Variants in MTA3 observed in about 807,000 individuals in gnomAD.
MTA3 encodes the protein metastasis associated 1 family member 3, also known as metastasis-associated protein MTA3.
In MTA3, 34 loss-of-function variants were observed where a neutral mutation model predicts 83.5. That is an observed-to-expected ratio of 0.41 (90% confidence interval 0.31 to 0.54). The LOEUF is 0.54. Ranked by LOEUF, MTA3 falls within the 20% of genes least tolerant of loss-of-function variation. The pLI is 0.33. For synonymous variants in MTA3, 303 were observed against 252.7 expected, an observed-to-expected ratio of 1.20 and a Z score of -1.89; for missense variants, 761 against 726.4, an observed-to-expected ratio of 1.05 and a Z score of -0.55.
intron 8 of MTA3, among the ~76,000 whole-genome samples, chr2:42,677,906 A>G (rs1017104189): frequency 6.6e-6 from 1 of 152,182 alleles, no homozygotes; most frequent in Admixed American, 6.5e-5. Flanking sequence ...TTACTGTACT[A>G]TATTCATCTA....
intron 2 of MTA3, among the ~76,000 whole-genome samples, chr2:42,520,139 A>G (rs1262963902): frequency 1.3e-5 from 2 of 152,170 alleles, no homozygotes; most frequent in African/African-American, 2.4e-5. Flanking sequence ...AATGTCCTAG[A>G]GCCATTTTCA....
chr2:42,691,950 A>G (rs1190342545), intron 9 of MTA3, among the ~76,000 whole-genome samples: 2 of 152,040 alleles, frequency 1.3e-5, no homozygotes, highest in Non-Finnish European at 2.9e-5. Flanking sequence ...TTCTTTCTTT[A>G]TCTTTGACCT....
chr2:42,694,404 T>C (rs1573648769), intron 9 of MTA3, among the ~76,000 whole-genome samples: 1 of 152,282 alleles, frequency 6.6e-6, no homozygotes, highest in East Asian at 1.9e-4. Flanking sequence ...CAGCCCATGG[T>C]CATGAGGCTT....
chr2:42,587,313 C>T (rs900959315), intron 3 of MTA3, among the ~76,000 whole-genome samples: 1 of 152,054 alleles, frequency 6.6e-6, no homozygotes, highest in Non-Finnish European at 1.5e-5. Context: ...CCCTGCCTCC[C>T]AAAATATAAG....
At chr2:42,516,946 G>A (rs141808638) in intron 2 of MTA3, among the ~76,000 whole-genome samples, 3,246 of 152,146 alleles carry the variant, frequency 0.021, 116 homozygotes, top group African/African-American at 0.074. Flanking sequence ...GCAACATAGC[G>A]AGACCCTGTC....
chr2:42,644,102 C>G (rs1263665940), intron 5 of MTA3, 25 bp from the exon 6 acceptor site: 7 of 1,368,212 alleles, frequency 5.1e-6, no homozygotes, highest in Non-Finnish European at 7.2e-6. Context: ...TTAAGTATAC[C>G]TATGTATTTT....
chr2:42,553,268 C>G (rs931080400), intron 2 of MTA3, among the ~76,000 whole-genome samples: 2 of 151,076 alleles, frequency 1.3e-5, no homozygotes, highest in Admixed American at 1.3e-4. Flanking sequence ...ACTAAAAATA[C>G]AAAAAATTCG....
rs763894802 is a variant in MTA3 at position 42,711,783 on chromosome 2, A to AGTGTGTGTGTGT, written c.1525+2708_1525+2719dup. Among the ~76,000 whole-genome samples, 120 of 147,744 alleles carry AGTGTGTGTGTGT rather than the reference A, an allele frequency of 8.1e-4. 2 individuals are homozygous for AGTGTGTGTGTGT. Among genetic ancestry groups the AGTGTGTGTGTGT allele is most frequent in the African/African-American group, 2.8e-3 (110 of 39,486 alleles). ...CTGGGAGTGTATAGGAGAGAGAGAG[A>AGTGTGTGTGTGT]GTGTGTGTGTGTGTGTGTGTGTGTG... On this transcript the variant is annotated intron_variant, in intron 14 of 16. Transcript: ENST00000405094.
intron 9 of MTA3, among the ~76,000 whole-genome samples, chr2:42,692,891 T>G (rs1462205148): frequency 3.3e-5 from 5 of 152,240 alleles, no homozygotes; most frequent in Non-Finnish European, 5.9e-5. Flanking sequence ...TACTGTAGTC[T>G]TCACAGTCTG....
intron 2 of MTA3, among the ~76,000 whole-genome samples, chr2:42,531,491 C>T (rs528147847): frequency 4.3e-4 from 50 of 115,392 alleles, no homozygotes; most frequent in African/African-American, 1.5e-3. Flanking sequence ...CTTGCTCTAT[C>T]GCCCAGGCTA....
chr2:42,524,470 G>A (rs1438838821), intron 2 of MTA3, among the ~76,000 whole-genome samples: 1 of 96,000 alleles, frequency 1.0e-5, no homozygotes, highest in East Asian at 2.9e-4. Context: ...CTGGCTAGTT[G>A]TGTTTTTTTT....
intron 8 of MTA3, among the ~76,000 whole-genome samples, chr2:42,665,787 A>G (rs1690180476): frequency 6.6e-6 from 1 of 152,208 alleles, no homozygotes; most frequent in African/African-American, 2.4e-5. Flanking sequence ...AGACTGTTTT[A>G]CAGGTGATGA....
chr2:42,546,936 T>C (rs903696226), intron 2 of MTA3, among the ~76,000 whole-genome samples: 1 of 152,160 alleles, frequency 6.6e-6, no homozygotes, highest in Non-Finnish European at 1.5e-5. Flanking sequence ...AGGGATCTTA[T>C]TGCTAGAGCT....
intron 3 of MTA3, among the ~76,000 whole-genome samples, chr2:42,587,166 C>G (rs573687299): frequency 1.3e-5 from 2 of 152,090 alleles, no homozygotes; most frequent in South Asian, 2.1e-4. Context: ...GCACTCCAGC[C>G]TGGGTGACAC....
Position 42,755,938 on chromosome 2 carries a change from T to A in MTA3, c.*2539T>A, listed in dbSNP as rs985540538. The A allele has an allele frequency of 2.0e-6, 2 of 985,436 alleles. No individual in the cohort carries two copies. The highest frequency in any genetic ancestry group is 1.7e-5 in the African/African-American group (1 of 57,252). 61.0% of individuals were successfully genotyped at this position (985,436 alleles called of 1,614,324 possible). A position where few individuals can be genotyped will look rare whatever the true frequency, so the allele number is the denominator to read the frequency against. On this transcript the variant is annotated 3_prime_UTR_variant, in exon 17 of 17. Coordinates refer to ENST00000405094, the MANE Select transcript of MTA3 (RefSeq NM_001330442.2). ...AGGTGCGCAAGAGAGGAGGGCCGAC[T>A]GGAGGGTGTCGCCGGAAGGTTTCAG...
At chr2:42,719,383 G>T (rs373099762) in intron 15 of MTA3, among the ~76,000 whole-genome samples, 1 of 152,134 alleles carries the variant, frequency 6.6e-6, no homozygotes, top group African/African-American at 2.4e-5. Flanking sequence ...CATTCAGTTA[G>T]TACTTAGGAT....
chr2:42,568,100 G>C (rs1458076743), upstream of MTA3: 1 of 152,288 alleles, frequency 6.6e-6, no homozygotes, highest in African/African-American at 2.4e-5. Context: ...CAGGCTCCAG[G>C]CCGGCCCCTT....
intron 8 of MTA3, among the ~76,000 whole-genome samples, chr2:42,666,550 C>T (rs182806071): frequency 2.0e-5 from 3 of 152,192 alleles, no homozygotes; most frequent in East Asian, 1.9e-4. Context: ...CCCTGATGCT[C>T]TCATAGCCCC....
At chr2:42,682,930 G>T (rs1402676988) in intron 9 of MTA3, among the ~76,000 whole-genome samples, 1 of 152,116 alleles carries the variant, frequency 6.6e-6, no homozygotes, top group African/African-American at 2.4e-5. Context: ...AAACTCGCTG[G>T]GCGTGGTGGC....
Sources: allele counts gnomAD v4.1 joint callset (sites outside exome capture counted in the v4.1 genomes callset), GRCh38; gene constraint gnomAD v4.1.1; transcripts MANE v1.5; gene names NCBI Gene and HGNC (gene_info 2026-07-23, HGNC 2026-07-21).